SLC38A11: variants seen among roughly 807,000 people sequenced by gnomAD.
SLC38A11 encodes the protein solute carrier family 38 member 11, also known as putative sodium-coupled neutral amino acid transporter 11.
Under a neutral mutation model 49.4 loss-of-function variants are expected in SLC38A11, and 51 were observed. That is an observed-to-expected ratio of 1.03 (90% CI 0.83 to 1.30). The LOEUF (loss-of-function observed/expected upper bound fraction) is 1.30, where lower values mean the gene tolerates loss of function less well. Among genes scored for constraint, SLC38A11 ranks in the 50% most tolerant of loss-of-function variants. SLC38A11 has a pLI of 0.00. For missense variants in SLC38A11, 574 were observed against 556.2 expected, an observed-to-expected ratio of 1.03 and a Z score of -0.32; for synonymous variants, 203 against 192.9, an observed-to-expected ratio of 1.05 and a Z score of -0.43.
intron 3 of SLC38A11, among the ~76,000 whole-genome samples, chr2:164,952,227 A>G (rs1688571641): frequency 1.3e-5 from 2 of 152,212 alleles, no homozygotes; most frequent in African/African-American, 4.8e-5. Flanking sequence ...TAAAGACAGT[A>G]GCAGGCAGCG....
intron 7 of SLC38A11, among the ~76,000 whole-genome samples, chr2:164,932,551 A>T (rs1359248676): frequency 6.6e-6 from 1 of 152,172 alleles, no homozygotes; most frequent in Non-Finnish European, 1.5e-5. Flanking sequence ...ATGGAATACT[A>T]TGCAGCCATA....
Position 164,898,725 on chromosome 2 carries a change from C to T in SLC38A11, c.1101G>A (p.Val367=), listed in dbSNP as rs780150366. 6.2e-7 allele frequency: 1 copy of T among 1,607,084 alleles called. No homozygotes were observed. Among genetic ancestry groups the T allele is most frequent in the Admixed American group, 1.7e-5 (1 of 59,530 alleles). The change falls in exon 12 of 12, where the codon GTG becomes GTA. Residue 367 remains valine (V), a synonymous_variant. Coordinates refer to ENST00000685975, the MANE Select transcript of SLC38A11 (RefSeq NM_001351537.2). ...CLGIVLELNG[V]LCATPLIFII... ...TAAAAATGAGGGGAGTTGCACAGAG[C>T]ACACCCTGCATGTTGAAAACAAGAA...
At chr2:164,915,426 A>G in intron 8 of SLC38A11, 153 bp from the exon 9 acceptor site, 1 of 663,668 alleles carries the variant, frequency 1.5e-6, no homozygotes, top group Non-Finnish European at 2.4e-6. Context: ...TTTTTCTAAT[A>G]GTTCTAGAAA....
chr2:164,951,134 GTTTA>G (rs1426306595), intron 3 of SLC38A11, among the ~76,000 whole-genome samples: 1 of 152,246 alleles, frequency 6.6e-6, no homozygotes, highest in East Asian at 1.9e-4. Context: ...TCACATTATA[GTTTA>G]TTTATGTATA....
Position 164,898,536 on chromosome 2 carries a change from G to A in SLC38A11, c.1290C>T (p.Phe430=), listed in dbSNP as rs749168646. ...GAGAGAAATTGTCAGGAAAGCAGTA[G>A]AACATTTCCTGCCCATGGGTGCAGT... ...TQDCTHGQEM[F]YCFPDNFSLT... is the part of the protein sequence containing the mutation. The change falls in exon 12 of 12, where the codon TTC becomes TTT. Residue 430 remains phenylalanine, a synonymous_variant. Transcript: ENST00000685975. 6.2e-7 allele frequency: 1 copy of A among 1,613,564 alleles called. No individual in the cohort carries two copies. Among genetic ancestry groups the A allele is most frequent in the Non-Finnish European group, 8.5e-7 (1 of 1,179,702 alleles).
chr2:164,895,769 G>A lies in SLC38A11; in HGVS notation c.*2668C>T, dbSNP rs757750115. The stretch of plus-strand genomic sequence containing the variant: ...GATCTGGTGCGTTCAGGAAGGTATG[G>A]TCATAGACAGTTTACCCATTCTGAT... On this transcript the variant is annotated 3_prime_UTR_variant, in exon 12 of 12. Transcript: ENST00000685975. 1.3e-5 allele frequency: 2 copies of A among 152,174 alleles called. No homozygotes were observed. Among genetic ancestry groups the A allele is most frequent in the Non-Finnish European group, 2.9e-5 (2 of 68,036 alleles). The allele number at this position is 152,174 out of a possible 1,614,324, so 9.4% of individuals were successfully genotyped here. A position where few individuals can be genotyped will look rare whatever the true frequency, so the allele number is the denominator to read the frequency against.
At chr2:164,925,092 G>T (rs546406434) in intron 7 of SLC38A11, among the ~76,000 whole-genome samples, 7 of 152,188 alleles carry the variant, frequency 4.6e-5, no homozygotes, top group Non-Finnish European at 1.0e-4. Context: ...AGCTAGCCCA[G>T]CTTGGCACCA....
At chr2:164,923,245 G>C (rs1686336640) in intron 7 of SLC38A11, among the ~76,000 whole-genome samples, 2 of 152,144 alleles carry the variant, frequency 1.3e-5, no homozygotes, top group Admixed American at 6.6e-5. Context: ...AAACTAAAAA[G>C]CTTCAGCACA....
intron 11 of SLC38A11, among the ~76,000 whole-genome samples, chr2:164,904,802 C>T (rs1417708794): frequency 1.3e-5 from 2 of 152,092 alleles, no homozygotes; most frequent in African/African-American, 4.8e-5. Flanking sequence ...TACAGATAAA[C>T]TCAATGCATA....
chr2:164,928,072 C>T (rs1334001975), intron 7 of SLC38A11, among the ~76,000 whole-genome samples: 1 of 152,160 alleles, frequency 6.6e-6, no homozygotes, highest in East Asian at 1.9e-4. Flanking sequence ...TCTAGCTCCA[C>T]TAACACAGGG....
chr2:164,912,720 A>G (rs1053565621), intron 9 of SLC38A11, among the ~76,000 whole-genome samples: 1 of 152,042 alleles, frequency 6.6e-6, no homozygotes, highest in Non-Finnish European at 1.5e-5. Flanking sequence ...AAAGAACATT[A>G]AATTTAATAA....
chr2:164,913,361 C>T (rs1685537925), intron 9 of SLC38A11, among the ~76,000 whole-genome samples: 1 of 151,986 alleles, frequency 6.6e-6, no homozygotes, highest in South Asian at 2.1e-4. Context: ...ATTGTCTTTT[C>T]GAAAGTCACT....
At chr2:164,948,574 C>T (rs1164864513) in intron 3 of SLC38A11, among the ~76,000 whole-genome samples, 3 of 152,118 alleles carry the variant, frequency 2.0e-5, no homozygotes, top group African/African-American at 7.2e-5. Context: ...AACTCTATTG[C>T]CAGTAACTTC....
At chr2:164,945,781 C>T in intron 3 of SLC38A11, 54 bp from the exon 4 acceptor site, 1 of 1,555,052 alleles carries the variant, frequency 6.4e-7, no homozygotes, top group East Asian at 2.3e-5. Context: ...AAATATTTTT[C>T]ATGTTTTAAC....
intron 2 of SLC38A11, among the ~76,000 whole-genome samples, chr2:164,953,783 A>C (rs1688675666): frequency 6.6e-6 from 1 of 152,214 alleles, no homozygotes; most frequent in Admixed American, 6.5e-5. Context: ...AGAAACAAAA[A>C]TGTTGCAACT....
chr2:164,953,169 A>G, intron 2 of SLC38A11: 1 of 193,324 alleles, frequency 5.2e-6, no homozygotes, highest in South Asian at 1.0e-4. Flanking sequence ...AGAGAGGATA[A>G]TAAGGAGCAC....
At chr2:164,950,027 T>C (rs1326034658) in intron 3 of SLC38A11, 1 of 152,182 alleles carries the variant, frequency 6.6e-6, no homozygotes, top group African/African-American at 2.4e-5. Flanking sequence ...GATGAGAAAG[T>C]AGACAGATGC....
intron 9 of SLC38A11, among the ~76,000 whole-genome samples, chr2:164,913,433 A>G (rs981319651): frequency 3.9e-5 from 6 of 152,062 alleles, no homozygotes; most frequent in African/African-American, 1.4e-4. Flanking sequence ...ATCTACTGAA[A>G]GAGGTTAGAA....
intron 6 of SLC38A11, among the ~76,000 whole-genome samples, chr2:164,938,234 T>C (rs1000922152): frequency 6.6e-6 from 1 of 152,176 alleles, no homozygotes; most frequent in Non-Finnish European, 1.5e-5. Flanking sequence ...GTTTCTATTA[T>C]GAATTGGCTT....
Sources: allele counts gnomAD v4.1 joint callset (sites outside exome capture counted in the v4.1 genomes callset), GRCh38; gene constraint gnomAD v4.1.1; transcripts MANE v1.5; gene names NCBI Gene and HGNC (gene_info 2026-07-23, HGNC 2026-07-21).